The following ADAMTSL1 variants were observed in gnomAD, a reference collection of about 807,000 sequenced individuals.
ADAMTSL1 encodes the protein ADAMTS like 1, also known as ADAMTS-like protein 1.
A neutral mutation model predicts 201.8 loss-of-function variants in ADAMTSL1; 126 were observed. The ratio of observed to expected loss-of-function variants is 0.62; its 90% CI spans 0.54 to 0.72. The LOEUF is 0.72. Among genes scored for constraint, ADAMTSL1 ranks in the 30% least tolerant of loss-of-function variants. The pLI is 0.00. For missense variants in ADAMTSL1, 2,679 were observed against 2,277.8 expected (o/e 1.18, Z -3.59); for synonymous variants, 1,121 against 903.4 (o/e 1.24, Z -4.32).
Position 18,081,882 on chromosome 9 carries a change from A to T in ADAMTSL1, c.88-81980A>T, listed in dbSNP as rs564905194. ...TATGTAACTGTGAAAATACTAGCGT[A>T]TGCTTGTCCTGGATAAACTCAGGTA... On this transcript the variant is annotated intron_variant, in intron 1 of 29. Transcript: ENST00000680146. Among the ~76,000 whole-genome samples the T allele has an allele frequency of 2.3e-3, 345 of 152,342 alleles. 1 individual carries two copies. The highest frequency in any genetic ancestry group is 6.8e-3 in the Middle Eastern group (2 of 294).
chr9:18,695,777 C>T (rs1397886865), intron 13 of ADAMTSL1, among the ~76,000 whole-genome samples: 2 of 152,230 alleles, frequency 1.3e-5, no homozygotes, highest in Non-Finnish European at 2.9e-5. Flanking sequence ...TCCACATTTT[C>T]AGCTATCTTT....
chr9:18,432,757 A>G (rs183607333), intron 2 of ADAMTSL1, among the ~76,000 whole-genome samples: 7 of 152,308 alleles, frequency 4.6e-5, no homozygotes, highest in African/African-American at 1.7e-4. Flanking sequence ...TATTATAAGG[A>G]TCAAGTGTGA....
intron 1 of ADAMTSL1, among the ~76,000 whole-genome samples, chr9:17,917,902 G>A (rs571413171): frequency 1.3e-5 from 2 of 152,044 alleles, no homozygotes; most frequent in African/African-American, 4.8e-5. Flanking sequence ...AGCTTTGATT[G>A]TCTTTCACAA....
intron 3 of ADAMTSL1, among the ~76,000 whole-genome samples, chr9:18,547,634 A>T (rs1020420761): frequency 1.1e-4 from 7 of 65,890 alleles, no homozygotes; most frequent in East Asian, 6.1e-4. Context: ...ATATATATAT[A>T]AAAAAAAAAA....
At chr9:18,886,183 T>TACAA (rs1382243934) in intron 23 of ADAMTSL1, among the ~76,000 whole-genome samples, 1 of 121,178 alleles carries the variant, frequency 8.3e-6, no homozygotes. Flanking sequence ...TATATATATA[T>TACAA]ATATATATAT....
chr9:18,215,127 G>A (rs1944767), intron 2 of ADAMTSL1, among the ~76,000 whole-genome samples: 12,201 of 152,168 alleles, frequency 0.08, 542 homozygotes, highest in Middle Eastern at 0.17. Context: ...GTTACATTTT[G>A]TATAGCCAAT....
intron 9 of ADAMTSL1, 65 bp downstream of exon 9, chr9:18,662,138 T>G: frequency 6.5e-7 from 1 of 1,549,864 alleles, no homozygotes; most frequent in Non-Finnish European, 8.7e-7. Context: ...GTTATTTAAA[T>G]TAAAATGAAA....
chr9:18,200,250 A>G (rs1428734749), intron 2 of ADAMTSL1, among the ~76,000 whole-genome samples: 1 of 152,084 alleles, frequency 6.6e-6, no homozygotes, highest in Non-Finnish European at 1.5e-5. Flanking sequence ...CCTAGGCAAA[A>G]TAGCGAGACA....
chr9:18,703,724 A>ATATATATATATATATATATATATATATT (rs1832067372), intron 13 of ADAMTSL1, among the ~76,000 whole-genome samples: 1 of 113,316 alleles, frequency 8.8e-6, no homozygotes, highest in Non-Finnish European at 1.9e-5. Context: ...ATATATATAT[A>ATATATATATATATATATATATATATATT]TATATATATA....
chr9:18,681,824 T>C lies in ADAMTSL1; in HGVS notation c.1354T>C (p.Cys452Arg). Reference protein sequence around the residue: ...AQEWSPCTVTCGQGLRYRVVL... With the variant: ...AQEWSPCTVTRGQGLRYRVVL... ...AATCTCTTTCCAGTGCACAGTGACA[T>C]GTGGCCAGGGCCTCAGATACCGTGT... Residue 452 changes from cysteine to arginine, a missense_variant, in exon 12 of 29, where the codon TGT becomes CGT. Physicochemically the swap from Cys to Arg is radical, Grantham distance 180. Transcript: ENST00000380548. 6.2e-7 allele frequency: 1 copy of C among 1,612,102 alleles called. No homozygotes were observed. The highest frequency in any genetic ancestry group is 1.1e-5 in the South Asian group (1 of 90,814).
intron 1 of ADAMTSL1, among the ~76,000 whole-genome samples, chr9:18,029,444 C>T (rs1219573211): frequency 6.6e-6 from 1 of 152,094 alleles, no homozygotes; most frequent in East Asian, 1.9e-4. Context: ...CATAAAAACC[C>T]TAGAAGAAAA....
At chr9:18,366,077 C>A (rs1330089194) in intron 2 of ADAMTSL1, among the ~76,000 whole-genome samples, 1 of 151,998 alleles carries the variant, frequency 6.6e-6, no homozygotes, top group Non-Finnish European at 1.5e-5. Flanking sequence ...GTGTAATCTC[C>A]CTTTGGCTTT....
At chr9:18,115,543 GA>G (rs199771909) in intron 1 of ADAMTSL1, among the ~76,000 whole-genome samples, 3,178 of 152,134 alleles carry the variant, frequency 0.021, 42 homozygotes, top group Non-Finnish European at 0.032. Flanking sequence ...ACTTTAAAAG[GA>G]AAAAAATCTG....
intron 3 of ADAMTSL1, among the ~76,000 whole-genome samples, chr9:18,540,138 G>C (rs761748608): frequency 6.6e-6 from 1 of 152,164 alleles, no homozygotes; most frequent in Admixed American, 6.5e-5. Flanking sequence ...TCTGAAAAAT[G>C]GAAGTAGAGT....
chr9:18,623,958 T>C lies in ADAMTSL1; in HGVS notation c.601+1589T>C, dbSNP rs532742931. 4.6e-5 allele frequency among the ~76,000 whole-genome samples: 7 copies of C among 152,288 alleles called. No individual in the cohort carries two copies. The South Asian group carries it at 1.5e-3, about 32-fold the overall frequency. On this transcript the variant is annotated intron_variant, in intron 5 of 28. Transcript: ENST00000380548. ...GAGTTTGTTGCTTTAAATGGACTTA[T>C]AGGTCAAGGAAGAAAGGCAGATGCA...
chr9:18,608,259 A>G (rs566486765), intron 4 of ADAMTSL1, among the ~76,000 whole-genome samples: 1 of 152,312 alleles, frequency 6.6e-6, no homozygotes, highest in South Asian at 2.1e-4. Context: ...CTAAACACCA[A>G]TAACTATTAT....
intron 2 of ADAMTSL1, among the ~76,000 whole-genome samples, chr9:18,328,115 G>C (rs1322383299): frequency 6.6e-6 from 1 of 152,210 alleles, no homozygotes; most frequent in African/African-American, 2.4e-5. Context: ...TGCAGATTTT[G>C]AGAAGGAAAC....
chr9:18,192,825 CT>C (rs1380728851), intron 2 of ADAMTSL1, among the ~76,000 whole-genome samples: 95 of 152,194 alleles, frequency 6.2e-4, no homozygotes, highest in African/African-American at 2.1e-3. Context: ...TTTCATATCC[CT>C]ATTCCTAGTA....
At chr9:18,039,928 G>C (rs1277782033) in intron 1 of ADAMTSL1, among the ~76,000 whole-genome samples, 1 of 152,092 alleles carries the variant, frequency 6.6e-6, no homozygotes, top group African/African-American at 2.4e-5. Flanking sequence ...GAAATTGGCA[G>C]TTTTCCTCTT....
Sources: allele counts gnomAD v4.1 joint callset (sites outside exome capture counted in the v4.1 genomes callset), GRCh38; gene constraint gnomAD v4.1.1; transcripts MANE v1.5; gene names NCBI Gene and HGNC (gene_info 2026-07-23, HGNC 2026-07-21).